The following AMPH variants were observed in gnomAD, a reference collection of about 807,000 sequenced individuals.
The protein encoded by AMPH is amphiphysin (Stiff-Mann syndrome with breast cancer 128kD autoantigen).
AMPH carries 49 observed loss-of-function variants against 99.1 expected under a neutral mutation model. The ratio of observed to expected loss-of-function variants is 0.49; its 90% CI spans 0.39 to 0.63. AMPH has a LOEUF of 0.63. Among genes scored for constraint, AMPH ranks in the 20% least tolerant of loss-of-function variants. The pLI, the probability that AMPH is intolerant of heterozygous loss-of-function variation, is 0.00. For synonymous variants in AMPH, 314 were observed against 317.3 expected, an observed-to-expected ratio of 0.99 and a Z score of 0.11; for missense variants, 759 against 863.4, an observed-to-expected ratio of 0.88 and a Z score of 1.52.
At chr7:38,404,410 G>C (rs1784925889) in intron 17 of AMPH, among the ~76,000 whole-genome samples, 1 of 152,066 alleles carries the variant, frequency 6.6e-6, no homozygotes, top group Admixed American at 6.6e-5. Context: ...TAAACTTCTT[G>C]AGACCTCCAC....
At position 38,448,961 on chromosome 7, in the gene AMPH, G is replaced by T. The variant is rs367896877; in HGVS notation, c.1017+12322C>A. Among the ~76,000 whole-genome samples the T allele has an allele frequency of 7.2e-5, 11 of 152,102 alleles. No homozygotes were observed. The South Asian group carries it at 2.3e-3, about 32-fold the overall frequency. ...GTGTAGCACGTGGGTTTTGTTCATT[G>T]CTTTTACATATATTATGACTAATTG... On this transcript the variant is annotated intron_variant, in intron 11 of 20. Transcript: ENST00000356264.
In AMPH at chr7:38,406,722, CTCCCTTTCCCTCTCT is replaced by C. The variant is rs1562732359; in HGVS notation, c.1398+11088_1398+11102del. 1.2e-3 allele frequency among the ~76,000 whole-genome samples: 127 copies of C among 109,830 alleles called. 1 individual carries two copies. The South Asian group carries it at 0.023, about 20-fold the overall frequency. The allele number at this position is 109,830 out of a possible 152,430, so 72.1% of individuals were successfully genotyped here. A position where few individuals can be genotyped will look rare whatever the true frequency, so the allele number is the denominator to read the frequency against. On this transcript the variant is annotated intron_variant, in intron 17 of 20. Transcript: ENST00000356264. The stretch of plus-strand genomic sequence containing the variant: ...GAGTTCTCTCTCCTCTCCTCTCTCT[CTCCCTTTCCCTCTCT>C]CTCTCTCTCTCTCTCTCTCTCTCTC...
Position 38,461,338 on chromosome 7 carries a change from A to T in AMPH, c.962T>A (p.Ile321Asn). 6 of 1,614,162 alleles carry T rather than the reference A, an allele frequency of 3.7e-6. No individual in the cohort carries two copies. Among genetic ancestry groups the T allele is most frequent in the Non-Finnish European group, 5.1e-6 (6 of 1,179,992 alleles). ...PTKELQQENI[I>N]SFFEDNFVPE... ...AACAAAGTTGTCCTCAAAGAAACTG[A>T]TGATGTTCTCCTGCTGCAGTTCCTT... The change falls in exon 11 of 21, where the codon ATC (isoleucine) becomes AAC (asparagine). Residue 321 changes from isoleucine (I) to asparagine (N), a missense_variant. Transcript: ENST00000356264.
At chr7:38,451,350 TTATATACAC>T (rs1787016522) in intron 11 of AMPH, among the ~76,000 whole-genome samples, 2 of 147,248 alleles carry the variant, frequency 1.4e-5, no homozygotes, top group Non-Finnish European at 3.0e-5. Flanking sequence ...CATATATACG[TTATATACAC>T]GTATATATAT....
At chr7:38,458,640 C>T (rs1787322759) in intron 11 of AMPH, among the ~76,000 whole-genome samples, 1 of 152,070 alleles carries the variant, frequency 6.6e-6, no homozygotes, top group Non-Finnish European at 1.5e-5. Flanking sequence ...TGAGAAAAAG[C>T]ATTTGATAAA....
intron 1 of AMPH, among the ~76,000 whole-genome samples, chr7:38,559,283 A>G (rs2129048340): frequency 6.6e-6 from 1 of 152,362 alleles, no homozygotes; most frequent in South Asian, 2.1e-4. Flanking sequence ...CAGAGCAGTC[A>G]AAGGACTGCC....
intron 1 of AMPH, among the ~76,000 whole-genome samples, chr7:38,541,881 G>A (rs756383435): frequency 7.2e-5 from 11 of 152,178 alleles, no homozygotes; most frequent in East Asian, 1.9e-4. Context: ...TCCCTAGATG[G>A]GAACAGAGGT....
At chr7:38,430,586 A>G (rs1785974453) in intron 13 of AMPH, among the ~76,000 whole-genome samples, 1 of 152,228 alleles carries the variant, frequency 6.6e-6, no homozygotes. Flanking sequence ...GGGAAGGAAA[A>G]TGTGTTACAG....
chr7:38,472,352 TAAAG>T (rs1562777510), intron 7 of AMPH, among the ~76,000 whole-genome samples: 3 of 152,112 alleles, frequency 2.0e-5, no homozygotes. Context: ...TCATTTTAGA[TAAAG>T]AGAGGCCCTA....
intron 17 of AMPH, among the ~76,000 whole-genome samples, chr7:38,411,106 C>T (rs922570408): frequency 3.9e-5 from 6 of 152,198 alleles, no homozygotes; most frequent in African/African-American, 1.4e-4. Context: ...TCACATGTCA[C>T]TACTTTCTAG....
intron 19 of AMPH, among the ~76,000 whole-genome samples, chr7:38,391,159 T>A (rs1462227175): frequency 6.6e-6 from 1 of 152,190 alleles, no homozygotes. Flanking sequence ...TGTTTTTAGG[T>A]ATTTACTAAG....
chr7:38,482,733 A>G (rs958215037), intron 5 of AMPH, among the ~76,000 whole-genome samples: 6 of 152,160 alleles, frequency 3.9e-5, no homozygotes, highest in African/African-American at 1.4e-4. Context: ...AACATATATC[A>G]TATGAATAAT....
chr7:38,552,175 CA>C (rs1027690097), intron 1 of AMPH, among the ~76,000 whole-genome samples: 1 of 152,330 alleles, frequency 6.6e-6, no homozygotes, highest in African/African-American at 2.4e-5. Context: ...ACCCTTTTGT[CA>C]AAAATGAGTA....
At chr7:38,474,754 G>C (rs56283302) in intron 7 of AMPH, among the ~76,000 whole-genome samples, 1 of 152,152 alleles carries the variant, frequency 6.6e-6, no homozygotes, top group Non-Finnish European at 1.5e-5. Flanking sequence ...AGGAAAAACA[G>C]AACAACTATT....
chr7:38,571,250 A>C (rs1255933680), intron 1 of AMPH, among the ~76,000 whole-genome samples: 1 of 76,230 alleles, frequency 1.3e-5, no homozygotes, highest in African/African-American at 5.4e-5. Context: ...AATTATAAAT[A>C]TATATTAAAT....
intron 3 of AMPH, among the ~76,000 whole-genome samples, chr7:38,500,934 C>T (rs1156440520): frequency 6.6e-6 from 1 of 152,202 alleles, no homozygotes; most frequent in African/African-American, 2.4e-5. Context: ...GCCTAAAATG[C>T]TTAGCACAGA....
At chr7:38,517,838 TA>T (rs1789808749) in intron 2 of AMPH, among the ~76,000 whole-genome samples, 1 of 152,218 alleles carries the variant, frequency 6.6e-6, no homozygotes, top group African/African-American at 2.4e-5. Context: ...GATCCTTTGT[TA>T]AAGAGATTAA....
rs974985163 is a variant in AMPH at position 38,393,562 on chromosome 7, G to A, written c.1608+443C>T. On this transcript the variant is annotated intron_variant, in intron 18 of 20. Transcript: ENST00000356264. ...CCAGTGGTGGGCTCTTGGTAAAAGG[G>A]GCCTGATGGTGAATTTGGGGCACTC... is the stretch of plus-strand genomic sequence containing the variant. 9.9e-5 allele frequency among the ~76,000 whole-genome samples: 15 copies of A among 152,070 alleles called. 1 individual carries two copies. The highest frequency in any genetic ancestry group is 2.4e-4 in the African/African-American group (10 of 41,378).
At chr7:38,444,712 G>C (rs1375343262) in intron 11 of AMPH, among the ~76,000 whole-genome samples, 1 of 151,874 alleles carries the variant, frequency 6.6e-6, no homozygotes, top group African/African-American at 2.4e-5. Flanking sequence ...ATTTTTTTGT[G>C]GGGGGTTTTG....
Sources: gnomAD v4.1 joint callset for allele counts (sites outside exome capture counted in the v4.1 genomes callset) on GRCh38, gnomAD v4.1.1 for gene constraint, MANE v1.5 for transcripts, NCBI Gene and HGNC (gene_info 2026-07-23, HGNC 2026-07-21) for gene names.